SORCS1: variants seen among roughly 807,000 people sequenced by gnomAD.
SORCS1 encodes VPS10 domain-containing receptor SorCS1.
Under a neutral mutation model 146.1 loss-of-function variants are expected in SORCS1, and 60 were observed. The ratio of observed to expected loss-of-function variants is 0.41; its 90% CI spans 0.33 to 0.51. SORCS1 has a LOEUF of 0.51. SORCS1 is among the 20% of genes least tolerant of loss of function. The probability of loss-of-function intolerance (pLI) is 0.21; values close to 1 mark genes in which losing one functional copy is unlikely to be tolerated. For synonymous variants in SORCS1, 637 were observed against 584.0 expected (o/e 1.09, Z -1.31); for missense variants, 1,352 against 1,487.6 (o/e 0.91, Z 1.50).
At chr10:107,008,163 C>G (rs1957536523) in intron 1 of SORCS1, among the ~76,000 whole-genome samples, 1 of 152,038 alleles carries the variant, frequency 6.6e-6, no homozygotes, top group Non-Finnish European at 1.5e-5. Context: ...CATCTAGTGC[C>G]AGTGACAACT....
intron 2 of SORCS1, among the ~76,000 whole-genome samples, chr10:106,849,825 G>T (rs561908855): frequency 1.3e-5 from 2 of 151,752 alleles, no homozygotes; most frequent in Admixed American, 1.3e-4. Flanking sequence ...TCAGCTGCAG[G>T]TCTGTTAGAA....
At chr10:106,781,219 TC>T (rs1271708640) in intron 3 of SORCS1, among the ~76,000 whole-genome samples, 1 of 152,178 alleles carries the variant, frequency 6.6e-6, no homozygotes, top group Non-Finnish European at 1.5e-5. Context: ...TTCTTGGAAT[TC>T]CACCATTTAT....
intron 6 of SORCS1, among the ~76,000 whole-genome samples, chr10:106,718,317 C>G (rs773046915): frequency 3.3e-5 from 5 of 152,220 alleles, no homozygotes; most frequent in African/African-American, 1.2e-4. Flanking sequence ...ACATAACTTT[C>G]TGTGTCCGCA....
At chr10:106,721,609 A>G (rs1260474628) in intron 6 of SORCS1, among the ~76,000 whole-genome samples, 1 of 152,218 alleles carries the variant, frequency 6.6e-6, no homozygotes, top group Non-Finnish European at 1.5e-5. Context: ...AAGATTGCTG[A>G]GGGCTTGCAA....
At position 106,585,130 on chromosome 10, in the gene SORCS1, A is replaced by G. The variant is rs576654015; in HGVS notation, c.3266-5656T>C. 1.2e-3 allele frequency among the ~76,000 whole-genome samples: 186 copies of G among 152,028 alleles called. No homozygotes were observed. In the Middle Eastern group the frequency reaches 0.027, roughly 22 times the overall value. On this transcript the variant is annotated intron_variant, in intron 24 of 25. Transcript: ENST00000263054. ...TCCCAGCTACTCGGGAGGTTGAGGC[A>G]GGAGAATGGCATGAACCCGGGAGGT...
chr10:107,165,292 A>AGAGTGTGTGTGT (rs113141732), upstream of SORCS1, among the ~76,000 whole-genome samples: 1 of 142,718 alleles, frequency 7.0e-6, no homozygotes, highest in Non-Finnish European at 1.5e-5. The surrounding 1 kb of genome is among the most constrained non-coding windows in gnomAD (Gnocchi z 4.0). Context: ...CTCGTGTGTG[A>AGAGTGTGTGTGT]GTGTGTGTGT....
intron 1 of SORCS1, among the ~76,000 whole-genome samples, chr10:107,077,200 G>A (rs868458076): frequency 6.6e-6 from 1 of 151,986 alleles, no homozygotes. Flanking sequence ...CTGAGGTCCA[G>A]TATATGGTTT....
intron 19 of SORCS1, among the ~76,000 whole-genome samples, chr10:106,627,679 G>A (rs1381130220): frequency 1.3e-5 from 2 of 152,196 alleles, no homozygotes; most frequent in African/African-American, 2.4e-5. Flanking sequence ...CCCCCGTGAT[G>A]AGTACTGAAC....
At chr10:106,850,356 C>G (rs1002342607) in intron 2 of SORCS1, among the ~76,000 whole-genome samples, 2 of 152,018 alleles carry the variant, frequency 1.3e-5, no homozygotes, top group East Asian at 1.9e-4. Flanking sequence ...TTTCCAGGTG[C>G]GTCCGTCACC....
intron 23 of SORCS1, among the ~76,000 whole-genome samples, chr10:106,604,178 G>A (rs527355359): frequency 6.6e-6 from 1 of 152,332 alleles, no homozygotes; most frequent in African/African-American, 2.4e-5. Context: ...GAGAGGAAGA[G>A]AGGGAAGTAA....
chr10:106,652,886 G>A (rs182660774), intron 17 of SORCS1, among the ~76,000 whole-genome samples: 9 of 152,298 alleles, frequency 5.9e-5, no homozygotes, highest in Admixed American at 4.6e-4. Context: ...GAGAGACATA[G>A]ATGGCTAATC....
At chr10:106,844,342 G>A (rs955988184) in intron 2 of SORCS1, among the ~76,000 whole-genome samples, 3 of 151,834 alleles carry the variant, frequency 2.0e-5, no homozygotes, top group Non-Finnish European at 4.4e-5. Context: ...TTTGCTTTTG[G>A]TGTCTGTGCT....
intron 6 of SORCS1, among the ~76,000 whole-genome samples, 171 bp from the exon 7 acceptor site, chr10:106,709,512 G>C (rs949956612): frequency 7.0e-6 from 1 of 143,080 alleles, no homozygotes; most frequent in African/African-American, 2.6e-5. Flanking sequence ...GCAGTGGTGC[G>C]ATCTCGGCTC....
intron 8 of SORCS1, among the ~76,000 whole-genome samples, chr10:106,705,930 C>T (rs1854484960): frequency 6.6e-6 from 1 of 152,158 alleles, no homozygotes; most frequent in Non-Finnish European, 1.5e-5. Flanking sequence ...GACAACCAGT[C>T]TCATAAGTTT....
chr10:106,666,082 C>T (rs866206125), intron 17 of SORCS1, among the ~76,000 whole-genome samples: 9 of 152,156 alleles, frequency 5.9e-5, no homozygotes, highest in African/African-American at 9.7e-5. Context: ...CCTTGTGATC[C>T]GCCCACCTCA....
rs975196328 is a variant in SORCS1 at position 107,007,531 on chromosome 10, G to A, written c.559-50951C>T. ...CTTGAAAACAGATCCTCCAGCCCCC[G>A]CTGAGCCTCTCTAGTTCACGCCTCA... On this transcript the variant is annotated intron_variant, in intron 1 of 25. Coordinates refer to ENST00000263054, the MANE Select transcript of SORCS1 (RefSeq NM_052918.5). Among the ~76,000 whole-genome samples the A allele has an allele frequency of 4.6e-5, 7 of 152,272 alleles. No individual in the cohort carries two copies. The East Asian group carries it at 5.8e-4, about 13-fold the overall frequency.
At chr10:106,897,677 TC>T (rs1156440678) in intron 2 of SORCS1, among the ~76,000 whole-genome samples, 1 of 151,862 alleles carries the variant, frequency 6.6e-6, no homozygotes, top group Non-Finnish European at 1.5e-5. Flanking sequence ...CACTCAAATT[TC>T]CTTTCAGGAA....
At chr10:106,745,305 G>T (rs534898890) in intron 5 of SORCS1, among the ~76,000 whole-genome samples, 1 of 151,810 alleles carries the variant, frequency 6.6e-6, no homozygotes, top group Non-Finnish European at 1.5e-5. Context: ...CCAGCTACTC[G>T]GGAGGCTGAG....
chr10:107,063,790 C>T (rs1254244319), intron 1 of SORCS1, among the ~76,000 whole-genome samples: 1 of 152,164 alleles, frequency 6.6e-6, no homozygotes, highest in Non-Finnish European at 1.5e-5. Context: ...CTCTCTTATA[C>T]CAAAGTTACA....
Sources: gnomAD v4.1 joint callset for allele counts (sites outside exome capture counted in the v4.1 genomes callset) on GRCh38, gnomAD v4.1.1 for gene constraint, Gnocchi (gnomAD v3.1) non-coding constraint, MANE v1.5 for transcripts, NCBI Gene and HGNC (gene_info 2026-07-23, HGNC 2026-07-21) for gene names.